The following PRKCQ variants were observed in gnomAD, a reference collection of about 807,000 sequenced individuals.
The protein encoded by PRKCQ is protein kinase C theta type.
Under a neutral mutation model 91.2 loss-of-function variants are expected in PRKCQ, and 41 were observed. The observed-to-expected ratio is 0.45, with a 90% CI of 0.35 to 0.58. The LOEUF is 0.58. PRKCQ is among the 20% of genes least tolerant of loss of function. The pLI is 0.00. For missense variants in PRKCQ, 673 were observed against 896.5 expected (o/e 0.75, Z 3.18); for synonymous variants, 307 against 316.9 (o/e 0.97, Z 0.33).
chr10:6,445,528 G>A (rs751033063), intron 15 of PRKCQ, among the ~76,000 whole-genome samples: 15 of 152,312 alleles, frequency 9.8e-5, no homozygotes, highest in Non-Finnish European at 1.8e-4. Context: ...GAGATCCAGT[G>A]AAAAGTAGCA....
chr10:6,464,829 T>C (rs1044634585), intron 12 of PRKCQ, among the ~76,000 whole-genome samples: 93 of 152,240 alleles, frequency 6.1e-4, no homozygotes, highest in African/African-American at 2.1e-3. Flanking sequence ...TCAGGGGAAC[T>C]AATTCTGTTG....
At chr10:6,471,684 A>G (rs1382604283) in intron 12 of PRKCQ, among the ~76,000 whole-genome samples, 1 of 152,202 alleles carries the variant, frequency 6.6e-6, no homozygotes, top group Non-Finnish European at 1.5e-5. Flanking sequence ...CAGGAGATGG[A>G]GGTTGCAGTG....
intron 4 of PRKCQ, among the ~76,000 whole-genome samples, chr10:6,498,996 T>C (rs575618339): frequency 1.1e-4 from 16 of 152,160 alleles, no homozygotes; most frequent in Non-Finnish European, 1.3e-4. Flanking sequence ...GACAGCCTCT[T>C]GGGAACAGCA....
At chr10:6,552,936 G>A (rs917745434) in intron 1 of PRKCQ, among the ~76,000 whole-genome samples, 3 of 151,866 alleles carry the variant, frequency 2.0e-5, no homozygotes, top group African/African-American at 4.8e-5. Flanking sequence ...CATGTAATAC[G>A]TGAAGACAAC....
chr10:6,415,452 A>G, the PRKCQ span, among the ~76,000 whole-genome samples: 1 of 120,024 alleles, frequency 8.3e-6, no homozygotes, highest in Non-Finnish European at 1.7e-5. Flanking sequence ...ATATATATAT[A>G]TATACACTTA....
chr10:6,535,174 A>C (rs565649987), intron 1 of PRKCQ, among the ~76,000 whole-genome samples: 1 of 152,294 alleles, frequency 6.6e-6, no homozygotes, highest in South Asian at 2.1e-4. Context: ...ACCTGGTCCC[A>C]GGTATCACCT....
chr10:6,577,885 C>T (rs1281258920), intron 1 of PRKCQ, among the ~76,000 whole-genome samples: 1 of 152,178 alleles, frequency 6.6e-6, no homozygotes, highest in South Asian at 2.1e-4. Flanking sequence ...ACTTCTGAAT[C>T]CCCGAAGTTA....
intron 1 of PRKCQ, among the ~76,000 whole-genome samples, chr10:6,553,702 A>G (rs1165480050): frequency 6.6e-6 from 1 of 151,960 alleles, no homozygotes; most frequent in Non-Finnish European, 1.5e-5. Flanking sequence ...GAGAGTTTCG[A>G]TAGAATACAT....
At chr10:6,563,505 C>T (rs752022652) in intron 1 of PRKCQ, among the ~76,000 whole-genome samples, 5 of 152,118 alleles carry the variant, frequency 3.3e-5, no homozygotes, top group Admixed American at 6.5e-5. Flanking sequence ...TCTCTTACAT[C>T]GAATCAGATT....
chr10:6,426,723 A>G (rs1420210415), downstream of PRKCQ, among the ~76,000 whole-genome samples: 1 of 152,228 alleles, frequency 6.6e-6, no homozygotes, highest in Non-Finnish European at 1.5e-5. Flanking sequence ...TAAATATAAT[A>G]TCTAAAGTTA....
At chr10:6,535,530 A>T (rs1839550743) in intron 1 of PRKCQ, among the ~76,000 whole-genome samples, 1 of 152,132 alleles carries the variant, frequency 6.6e-6, no homozygotes, top group Admixed American at 6.5e-5. Flanking sequence ...ATCAAAATGG[A>T]GTCACTTATG....
chr10:6,401,644 G>T, the PRKCQ span, among the ~76,000 whole-genome samples: 1 of 152,012 alleles, frequency 6.6e-6, no homozygotes, highest in Non-Finnish European at 1.5e-5. Flanking sequence ...TGAGGATTGC[G>T]GGGCCAGGGC....
intron 7 of PRKCQ, among the ~76,000 whole-genome samples, chr10:6,496,833 C>G (rs1186321151): frequency 1.3e-5 from 2 of 152,098 alleles, no homozygotes; most frequent in African/African-American, 4.8e-5. Flanking sequence ...TGCCACCAGG[C>G]CTGGCTAATT....
the PRKCQ span, among the ~76,000 whole-genome samples, chr10:6,417,593 A>G: frequency 5.9e-5 from 9 of 152,240 alleles, no homozygotes; most frequent in African/African-American, 1.9e-4. Flanking sequence ...TGATCCATCC[A>G]TGCTTGTCCT....
At chr10:6,512,961 C>A (rs1028358705) in intron 2 of PRKCQ, among the ~76,000 whole-genome samples, 4 of 152,150 alleles carry the variant, frequency 2.6e-5, no homozygotes, top group Non-Finnish European at 4.4e-5. Context: ...TTCCACAGAC[C>A]TGAAGCTTCC....
chr10:6,509,727 A>G (rs1351866195), intron 3 of PRKCQ, among the ~76,000 whole-genome samples: 1 of 152,184 alleles, frequency 6.6e-6, no homozygotes, highest in Non-Finnish European at 1.5e-5. Flanking sequence ...CCTTTTCCCA[A>G]GCCAACACAC....
intron 12 of PRKCQ, among the ~76,000 whole-genome samples, chr10:6,471,093 T>TC (rs1835936093): frequency 6.6e-6 from 1 of 152,174 alleles, no homozygotes; most frequent in Admixed American, 6.5e-5. Flanking sequence ...GGACCAGCCT[T>TC]CCTGGCACCT....
chr10:6,562,654 A>T (rs1424679870), intron 1 of PRKCQ, among the ~76,000 whole-genome samples: 1 of 152,244 alleles, frequency 6.6e-6, no homozygotes, highest in African/African-American at 2.4e-5. Flanking sequence ...AAGTCAGTAG[A>T]TAAGGTATAG....
In PRKCQ at chr10:6,557,710, C is replaced by T. The variant is rs79005771; in HGVS notation, c.-10+22501G>A. 7.2e-5 allele frequency among the ~76,000 whole-genome samples: 11 copies of T among 152,288 alleles called. No individual in the cohort carries two copies. In the East Asian group the frequency reaches 1.5e-3, roughly 21 times the overall value. Reference sequence around the variant, plus strand: ...CCCTGTATTCAACTCCATATTGGACCTTTCCAGGTGATGTTCCACCAGCCC... The same window carrying T: ...CCCTGTATTCAACTCCATATTGGACTTTTCCAGGTGATGTTCCACCAGCCC... On this transcript the variant is annotated intron_variant, in intron 1 of 17. Transcript: ENST00000263125.
Sources: allele counts gnomAD v4.1 joint callset (sites outside exome capture counted in the v4.1 genomes callset), GRCh38; gene constraint gnomAD v4.1.1; transcripts MANE v1.5; gene names NCBI Gene and HGNC (gene_info 2026-07-23, HGNC 2026-07-21).